The following CAMSAP1 variants were observed in gnomAD, a reference collection of about 807,000 sequenced individuals.
CAMSAP1 encodes the protein calmodulin-regulated spectrin-associated protein 1.
CAMSAP1 carries 58 observed loss-of-function variants against 143.5 expected under a neutral mutation model. That is an observed-to-expected ratio of 0.40 (90% CI 0.33 to 0.50). CAMSAP1 has a LOEUF of 0.50. Among genes scored for constraint, CAMSAP1 ranks in the 20% least tolerant of loss-of-function variants. The pLI is 0.45. For synonymous variants in CAMSAP1, 945 were observed against 859.3 expected (o/e 1.10, Z -1.74); for missense variants, 1,969 against 2,115.7 (o/e 0.93, Z 1.36).
chr9:135,869,904 C>T (rs1215329899), intron 3 of CAMSAP1, among the ~76,000 whole-genome samples: 1 of 152,158 alleles, frequency 6.6e-6, no homozygotes, highest in Non-Finnish European at 1.5e-5. Context: ...TGGAAACATG[C>T]TCTGTGAAAG....
chr9:135,877,380 A>G (rs1487817798), intron 3 of CAMSAP1, among the ~76,000 whole-genome samples: 1 of 152,106 alleles, frequency 6.6e-6, no homozygotes, highest in East Asian at 1.9e-4. Context: ...GAGCTTGTTT[A>G]GGGTGATGGA....
At chr9:135,815,859 G>A (rs752915410) in intron 15 of CAMSAP1, 31 bp downstream of exon 15, 17 of 1,577,940 alleles carry the variant, frequency 1.1e-5, no homozygotes, top group East Asian at 2.2e-5. Flanking sequence ...CCATGCCCAC[G>A]ATGACCTCTA....
At position 135,856,441 on chromosome 9, in the gene CAMSAP1, T is replaced by C. The variant is rs557375936; in HGVS notation, c.809-5980A>G. Among the ~76,000 whole-genome samples, 3 of 152,312 alleles carry C rather than the reference T, an allele frequency of 2.0e-5. No individual in the cohort carries two copies. In the East Asian group the frequency reaches 5.8e-4, roughly 29 times the overall value. On this transcript the variant is annotated intron_variant, in intron 5 of 16. Transcript: ENST00000389532. ...TCCCTCCCACAGCACATGGGAATTA[T>C]GGGAGTACAATTCAAGAAGAGATTT...
intron 1 of CAMSAP1, among the ~76,000 whole-genome samples, chr9:135,899,758 T>C (rs1838562375): frequency 6.6e-6 from 1 of 152,168 alleles, no homozygotes; most frequent in Non-Finnish European, 1.5e-5. Context: ...TTGCTTCTCT[T>C]AATTCGTTCC....
Position 135,811,548 on chromosome 9 carries a change from T to G in CAMSAP1, c.4570A>C (p.Arg1524=), listed in dbSNP as rs1835051121. 6.2e-7 allele frequency: 1 copy of G among 1,604,794 alleles called. No individual in the cohort carries two copies. Among genetic ancestry groups the G allele is most frequent in the East Asian group, 2.2e-5 (1 of 44,588 alleles). Residue 1524 remains arginine (R), a synonymous_variant, in exon 17 of 17, where the codon AGG becomes CGG. Transcript: ENST00000389532. This position sits in a 1 kb window ranked among gnomAD's most constrained non-coding sequence, Gnocchi z 4.9. ...ILFRDAGCQF[R]ALYCYYPDTE... ...TCAGGATAGTAGCAGTAAAGCGCCC[T>G]GAACTGGCAGCCAGCATCACGAAAC... is the stretch of plus-strand genomic sequence containing the variant.
chr9:135,847,030 G>A (rs1417416557), intron 7 of CAMSAP1, among the ~76,000 whole-genome samples: 1 of 152,086 alleles, frequency 6.6e-6, no homozygotes, highest in East Asian at 1.9e-4. Context: ...CCATTACTGG[G>A]TATATACCCA....
chr9:135,854,801 C>T (rs1299371866), intron 5 of CAMSAP1, among the ~76,000 whole-genome samples: 1 of 152,124 alleles, frequency 6.6e-6, no homozygotes. Context: ...GGAGGGTACA[C>T]GTGAAGCCTT....
intron 8 of CAMSAP1, among the ~76,000 whole-genome samples, chr9:135,825,602 A>G (rs1178446585): frequency 6.6e-6 from 1 of 152,238 alleles, no homozygotes; most frequent in Non-Finnish European, 1.5e-5. Flanking sequence ...CAGTTCTGAC[A>G]GAGCAACACC....
intron 8 of CAMSAP1, 136 bp downstream of exon 8, chr9:135,827,271 G>T: frequency 1.1e-6 from 1 of 897,946 alleles, no homozygotes; most frequent in Non-Finnish European, 1.6e-6. Flanking sequence ...AGAAGGGCAG[G>T]GACAGAAGGA....
intron 3 of CAMSAP1, among the ~76,000 whole-genome samples, chr9:135,874,029 T>C (rs969458018): frequency 1.3e-5 from 2 of 152,106 alleles, no homozygotes; most frequent in African/African-American, 4.8e-5. Flanking sequence ...CACAACCAAT[T>C]TGTGTTTGTC....
At chr9:135,878,903 T>C (rs1182495043) in intron 3 of CAMSAP1, among the ~76,000 whole-genome samples, 1 of 152,006 alleles carries the variant, frequency 6.6e-6, no homozygotes, top group Non-Finnish European at 1.5e-5. Flanking sequence ...AAACACTGAA[T>C]ACAAATGTAA....
In CAMSAP1 at chr9:135,907,129, CGGCGGCG is replaced by C; in HGVS notation, c.24_30del (p.Ala9ArgfsTer86). ...GGGGCCTCCATCTTCCTCCAGCCCTCGGCGGCGGCGCGGCCGCTCGCGTCCACCATCT... is the reference window on the plus strand; with the variant it reads ...GGGGCCTCCATCTTCCTCCAGCCCTCGCGCGGCCGCTCGCGTCCACCATCT... On this transcript the variant is annotated frameshift_variant, in exon 1 of 17. Coordinates refer to ENST00000389532, the MANE Select transcript of CAMSAP1 (RefSeq NM_015447.4). LOFTEE classifies it high-confidence loss of function. 3 of 1,117,808 alleles carry C rather than the reference CGGCGGCG, an allele frequency of 2.7e-6. No homozygotes were observed. The highest frequency in any genetic ancestry group is 3.3e-6 in the Non-Finnish European group (3 of 912,214). 69.2% of individuals were successfully genotyped at this position (1,117,808 alleles called of 1,614,324 possible).
At chr9:135,887,416 G>C (rs1018903672) in intron 1 of CAMSAP1, among the ~76,000 whole-genome samples, 1 of 152,110 alleles carries the variant, frequency 6.6e-6, no homozygotes, top group African/African-American at 2.4e-5. Flanking sequence ...AAGGAAGGAA[G>C]TGAGAACAGC....
At chr9:135,813,914 C>G (rs371614928) in intron 16 of CAMSAP1, among the ~76,000 whole-genome samples, 2 of 152,214 alleles carry the variant, frequency 1.3e-5, no homozygotes, top group African/African-American at 4.8e-5. Flanking sequence ...GCTGGAAGAA[C>G]GAGAGCAGAG....
At chr9:135,880,888 C>T (rs901474677) in intron 3 of CAMSAP1, among the ~76,000 whole-genome samples, 2 of 152,266 alleles carry the variant, frequency 1.3e-5, no homozygotes, top group Admixed American at 1.3e-4. Flanking sequence ...ACATTCTTTA[C>T]ATATATTGTA....
chr9:135,813,285 G>A (rs953069323), intron 16 of CAMSAP1, among the ~76,000 whole-genome samples: 9 of 152,192 alleles, frequency 5.9e-5, no homozygotes, highest in African/African-American at 9.6e-5. Flanking sequence ...GGGCCCGAGC[G>A]GCTGAGATGC....
chr9:135,856,605 T>C (rs1836987867), intron 5 of CAMSAP1, among the ~76,000 whole-genome samples: 1 of 152,130 alleles, frequency 6.6e-6, no homozygotes, highest in South Asian at 2.1e-4. Context: ...ACAAGCACAG[T>C]GCAGGTGGTC....
rs971419739 is a variant in CAMSAP1 at position 135,907,092 on chromosome 9, G to T, written c.68C>A (p.Ala23Asp). Residue 23 changes from alanine (A) to aspartate (D), a missense_variant, in exon 1 of 17, where the codon GCC (alanine) becomes GAC (aspartate). Transcript: ENST00000389532. The part of the protein sequence containing the change: ...WRKMEAPPDG[A>D]ADLVPLDRYD... ...GCGGTCCAGGGGCACGAGGTCGGCG[G>T]CGCCGTCCGGCGGGGCCTCCATCTT... 1.1e-5 allele frequency: 13 copies of T among 1,147,638 alleles called. No homozygotes were observed. The African/African-American group carries it at 2.2e-4, about 19-fold the overall frequency. The allele number at this position is 1,147,638 out of a possible 1,614,324, so 71.1% of individuals were successfully genotyped here.
chr9:135,815,242 AATT>A (rs761268931), intron 15 of CAMSAP1, 27 bp from the exon 16 acceptor site: 45 of 1,519,582 alleles, frequency 3.0e-5, no homozygotes, highest in Non-Finnish European at 4.0e-5. Flanking sequence ...GGGTTGGTAA[AATT>A]ATTATTTTAA....
Sources: allele counts gnomAD v4.1 joint callset (sites outside exome capture counted in the v4.1 genomes callset), GRCh38; gene constraint gnomAD v4.1.1; non-coding constraint Gnocchi (gnomAD v3.1); transcripts MANE v1.5; gene names NCBI Gene and HGNC (gene_info 2026-07-23, HGNC 2026-07-21).